PDGFC: variants seen among roughly 807,000 people sequenced by gnomAD.
PDGFC encodes the protein platelet-derived growth factor C.
Under a neutral mutation model 35.5 loss-of-function variants are expected in PDGFC, and 12 were observed. The ratio of observed to expected loss-of-function variants is 0.34; its 90% confidence interval spans 0.22 to 0.55. The LOEUF is 0.55. Among genes scored for constraint, PDGFC ranks in the 20% least tolerant of loss-of-function variants. PDGFC has a pLI of 0.91. For synonymous variants in PDGFC, 159 were observed against 148.8 expected (o/e 1.07, Z -0.50); for missense variants, 322 against 412.4 (o/e 0.78, Z 1.90).
At chr4:156,789,275 C>T (rs1024264615) in intron 3 of PDGFC, among the ~76,000 whole-genome samples, 3 of 152,056 alleles carry the variant, frequency 2.0e-5, no homozygotes, top group South Asian at 4.1e-4. Context: ...TCTGGTTTGA[C>T]AAAATAGTAA....
At chr4:156,862,560 T>C (rs1275166589) in intron 1 of PDGFC, among the ~76,000 whole-genome samples, 1 of 152,086 alleles carries the variant, frequency 6.6e-6, no homozygotes, top group African/African-American at 2.4e-5. Context: ...GGTCTGTGAG[T>C]TGATTTCAAC....
intron 3 of PDGFC, among the ~76,000 whole-genome samples, chr4:156,804,581 T>C (rs1731707092): frequency 6.6e-6 from 1 of 151,974 alleles, no homozygotes; most frequent in African/African-American, 2.4e-5. Context: ...GACACTCACA[T>C]ACTGCATTTT....
intron 1 of PDGFC, among the ~76,000 whole-genome samples, chr4:156,965,300 A>T (rs1732439346): frequency 6.6e-6 from 1 of 152,128 alleles, no homozygotes; most frequent in Admixed American, 6.5e-5. Flanking sequence ...CTCATCGGGC[A>T]CACTCTGCCA....
chr4:156,850,197 G>A, intron 2 of PDGFC, 24 bp downstream of exon 2: 1 of 1,274,668 alleles, frequency 7.8e-7, no homozygotes, highest in Non-Finnish European at 1.1e-6. Context: ...TTACATTGTT[G>A]GGATTTCAAG....
intron 1 of PDGFC, among the ~76,000 whole-genome samples, chr4:156,939,390 A>C (rs1163152569): frequency 4.6e-5 from 7 of 152,108 alleles, no homozygotes; most frequent in Non-Finnish European, 4.4e-5. Context: ...AGGCAATTTC[A>C]ACCTTACATG....
rs556240097 is a variant in PDGFC, at chr4:156,816,708, G to C, written c.315-5691C>G. ...CTTCATTCTCACGAGTCAAACCTTAGAGCCCATGCTCTTAAGTGCTAAGCC... is the reference window on the plus strand; with the variant it reads ...CTTCATTCTCACGAGTCAAACCTTACAGCCCATGCTCTTAAGTGCTAAGCC... On this transcript the variant is annotated intron_variant, in intron 2 of 5. Transcript: ENST00000502773. Among the ~76,000 whole-genome samples the C allele has an allele frequency of 2.4e-4, 37 of 152,214 alleles. 1 individual carries two copies. Among genetic ancestry groups the C allele is most frequent in the African/African-American group, 8.7e-4 (36 of 41,550 alleles).
chr4:156,797,151 T>C (rs1731465984), intron 3 of PDGFC, among the ~76,000 whole-genome samples: 1 of 149,702 alleles, frequency 6.7e-6, no homozygotes, highest in Admixed American at 6.7e-5. Flanking sequence ...GGCAGGAGAA[T>C]GGCATGAACC....
At chr4:156,959,672 T>A (rs1422730112) in intron 1 of PDGFC, among the ~76,000 whole-genome samples, 2 of 152,056 alleles carry the variant, frequency 1.3e-5, no homozygotes, top group Non-Finnish European at 2.9e-5. Flanking sequence ...AAATAAGTCC[T>A]ATTTTTCCAT....
chr4:156,793,947 G>A (rs964938034), intron 3 of PDGFC, among the ~76,000 whole-genome samples: 7 of 152,094 alleles, frequency 4.6e-5, no homozygotes, highest in Non-Finnish European at 1.0e-4. Flanking sequence ...TTCAGTAAAG[G>A]ATCTTGGTTA....
chr4:156,829,941 T>C (rs1728887471), intron 2 of PDGFC, among the ~76,000 whole-genome samples: 2 of 152,110 alleles, frequency 1.3e-5, no homozygotes, highest in African/African-American at 4.8e-5. Context: ...TCAAACCACT[T>C]GGTAGTGTGA....
intron 1 of PDGFC, among the ~76,000 whole-genome samples, chr4:156,939,350 G>A (rs572496327): frequency 1.3e-4 from 20 of 152,028 alleles, no homozygotes; most frequent in Non-Finnish European, 2.7e-4. Context: ...AAAATAACTC[G>A]ATGAGTCAGA....
chr4:156,898,858 T>G (rs1020459021), intron 1 of PDGFC, among the ~76,000 whole-genome samples: 1 of 152,172 alleles, frequency 6.6e-6, no homozygotes, highest in African/African-American at 2.4e-5. Context: ...GGGTTTCACA[T>G]GTTTTCTAGG....
intron 3 of PDGFC, among the ~76,000 whole-genome samples, chr4:156,788,624 A>T (rs182466793): frequency 6.6e-6 from 1 of 152,318 alleles, no homozygotes. Flanking sequence ...TATTTGGTTC[A>T]AAGTATTAGC....
In PDGFC at chr4:156,762,704, A is replaced by T. The variant is rs1379271397; in HGVS notation, c.*386T>A. On this transcript the variant is annotated 3_prime_UTR_variant, in exon 6 of 6. Coordinates refer to ENST00000502773, the MANE Select transcript of PDGFC (RefSeq NM_016205.3). ...GCTTTAGAGTTAAGCAAGGCAACGG[A>T]ATCAGGTGCTCACTTGCACAGTTTT... 6.3e-6 allele frequency: 1 copy of T among 157,570 alleles called. No homozygotes were observed. Among genetic ancestry groups the T allele is most frequent in the Admixed American group, 6.4e-5 (1 of 15,542 alleles). The allele number at this position is 157,570 out of a possible 1,614,324, so 9.8% of individuals were successfully genotyped here.
chr4:156,898,195 A>G (rs1730681837), intron 1 of PDGFC, among the ~76,000 whole-genome samples: 1 of 152,168 alleles, frequency 6.6e-6, no homozygotes, highest in South Asian at 2.1e-4. Flanking sequence ...GTGAGGAAGA[A>G]GATGGTCATC....
chr4:156,868,979 TCA>T (rs2111136305), intron 1 of PDGFC, among the ~76,000 whole-genome samples: 1 of 152,288 alleles, frequency 6.6e-6, no homozygotes, highest in South Asian at 2.1e-4. Flanking sequence ...TACTGCAAAC[TCA>T]CGATCAGTTT....
chr4:156,765,988 A>G (rs563201751), intron 5 of PDGFC, among the ~76,000 whole-genome samples: 1 of 152,280 alleles, frequency 6.6e-6, no homozygotes, highest in African/African-American at 2.4e-5. Context: ...TTTAGGCACG[A>G]GGGCTAAGCA....
At chr4:156,870,305 C>G (rs1729949211) in intron 1 of PDGFC, among the ~76,000 whole-genome samples, 1 of 152,180 alleles carries the variant, frequency 6.6e-6, no homozygotes, top group Non-Finnish European at 1.5e-5. Context: ...CCTTCCACCT[C>G]TTACCCATGT....
At position 156,926,049 on chromosome 4, in the gene PDGFC, CAAAAAAA is replaced by C. The variant is rs397707839; in HGVS notation, c.118+44730_118+44736del. Among the ~76,000 whole-genome samples, 3 of 67,546 alleles carry C rather than the reference CAAAAAAA, an allele frequency of 4.4e-5. No homozygotes were observed. The Admixed American group carries it at 5.9e-4, about 13-fold the overall frequency. 44.3% of individuals were successfully genotyped at this position (67,546 alleles called of 152,430 possible). A position where few individuals can be genotyped will look rare whatever the true frequency, so the allele number is the denominator to read the frequency against. Reference sequence around the variant, plus strand: ...GCCTGGGTGAAAGTAAGATCTGTCTCAAAAAAAAAAAAAAAAAAAAAAAAGACAGAAA... The same window carrying C: ...GCCTGGGTGAAAGTAAGATCTGTCTCAAAAAAAAAAAAAAAAAGACAGAAA... On this transcript the variant is annotated intron_variant, in intron 1 of 5. Coordinates refer to ENST00000502773, the MANE Select transcript of PDGFC (RefSeq NM_016205.3).
Sources: allele counts gnomAD v4.1 joint callset (sites outside exome capture counted in the v4.1 genomes callset), GRCh38; gene constraint gnomAD v4.1.1; transcripts MANE v1.5; gene names NCBI Gene and HGNC (gene_info 2026-07-23, HGNC 2026-07-21).